CCN4: variants seen among roughly 807,000 people sequenced by gnomAD.
The protein encoded by CCN4 is cellular communication network factor 4.
CCN4 carries 30 observed loss-of-function variants against 36.7 expected under a neutral mutation model. The observed-to-expected ratio is 0.82, with a 90% CI of 0.61 to 1.11. The LOEUF is 1.11. Among genes scored for constraint, CCN4 ranks in the 50% least tolerant of loss-of-function variants. The pLI is 0.00. For synonymous variants in CCN4, 191 were observed against 195.4 expected (o/e 0.98, Z 0.19); for missense variants, 505 against 504.9 (o/e 1.00, Z 0.00).
intron 3 of CCN4, among the ~76,000 whole-genome samples, chr8:133,224,076 A>G (rs759304976): frequency 9.2e-5 from 14 of 152,058 alleles, no homozygotes; most frequent in Non-Finnish European, 1.3e-4. Context: ...CTTTTCTATC[A>G]TGGCACTAGA....
intron 1 of CCN4, among the ~76,000 whole-genome samples, chr8:133,212,384 G>C (rs1209546928): frequency 6.6e-6 from 1 of 152,008 alleles, no homozygotes; most frequent in Non-Finnish European, 1.5e-5. Flanking sequence ...TTAAGTAGGA[G>C]TCCTCTGACT....
intron 1 of CCN4, among the ~76,000 whole-genome samples, chr8:133,212,007 C>CT (rs1351376291): frequency 2.6e-5 from 4 of 152,194 alleles, no homozygotes; most frequent in Admixed American, 2.6e-4. Flanking sequence ...CTCCTCAGGC[C>CT]TGGGCAGCTC....
At chr8:133,194,259 G>C (rs1853223412) in intron 1 of CCN4, among the ~76,000 whole-genome samples, 1 of 149,550 alleles carries the variant, frequency 6.7e-6, no homozygotes, top group Non-Finnish European at 1.5e-5. Flanking sequence ...GGGTGTGTGG[G>C]GGTATGCGTA....
chr8:133,210,421 G>GTGT (rs1554742186), intron 1 of CCN4, among the ~76,000 whole-genome samples: 3,705 of 138,082 alleles, frequency 0.027, 53 homozygotes, highest in Middle Eastern at 0.061. Flanking sequence ...GTGTGTGTGT[G>GTGT]TTTACTGATT....
chr8:133,217,931 CT>C (rs1854380486), intron 2 of CCN4, among the ~76,000 whole-genome samples: 1 of 150,598 alleles, frequency 6.6e-6, no homozygotes, highest in African/African-American at 2.5e-5. Flanking sequence ...AGCCCACTCC[CT>C]TCTCCACACA....
rs1854921703 is a variant in CCN4 at position 133,230,599 on chromosome 8, G to C, written c.*2889G>C. ...CAAGGGGCTTCAAACAGACCAAATA[G>C]ATCATCACCTCTGTGGTCCCTTGTT... On this transcript the variant is annotated 3_prime_UTR_variant, in exon 5 of 5. Transcript: ENST00000250160. 6.6e-6 allele frequency: 1 copy of C among 152,204 alleles called. No individual in the cohort carries two copies. The highest frequency in any genetic ancestry group is 1.5e-5 in the Non-Finnish European group (1 of 68,026). 9.4% of individuals were successfully genotyped at this position (152,204 alleles called of 1,614,324 possible).
chr8:133,223,727 C>T (rs1049995777), intron 3 of CCN4, among the ~76,000 whole-genome samples: 2 of 151,950 alleles, frequency 1.3e-5, no homozygotes, highest in East Asian at 3.9e-4. Flanking sequence ...CCATCCCTTC[C>T]CTGTCTGCCT....
intron 1 of CCN4, among the ~76,000 whole-genome samples, chr8:133,191,943 G>T (rs542487105): frequency 4.6e-5 from 7 of 152,130 alleles, no homozygotes; most frequent in Admixed American, 2.0e-4. Flanking sequence ...AGGGACAAAG[G>T]TCTGCACCTC....
intron 1 of CCN4, among the ~76,000 whole-genome samples, chr8:133,194,528 GT>G (rs1853264023): frequency 1.2e-5 from 1 of 82,164 alleles, no homozygotes; most frequent in Non-Finnish European, 2.3e-5. Flanking sequence ...GTGTGTGGGG[GT>G]GTGTGTGGTG....
chr8:133,218,853 C>G (rs1441711640), intron 2 of CCN4, among the ~76,000 whole-genome samples: 1 of 152,194 alleles, frequency 6.6e-6, no homozygotes, highest in Non-Finnish European at 1.5e-5. Flanking sequence ...CCAGCCATCT[C>G]ACGCATAATG....
intron 1 of CCN4, among the ~76,000 whole-genome samples, chr8:133,200,315 C>T (rs1192323811): frequency 6.6e-6 from 1 of 152,244 alleles, no homozygotes; most frequent in Non-Finnish European, 1.5e-5. Context: ...CCCAGGGCCT[C>T]TCCCCTCCAG....
chr8:133,208,052 A>G (rs1853848858), intron 1 of CCN4, among the ~76,000 whole-genome samples: 3 of 151,378 alleles, frequency 2.0e-5, no homozygotes, highest in Admixed American at 2.0e-4. Context: ...GAAAAACATT[A>G]ACTGAAACAG....
intron 3 of CCN4, 75 bp from the exon 4 acceptor site, chr8:133,225,315 C>G: frequency 6.8e-7 from 1 of 1,464,282 alleles, no homozygotes; most frequent in South Asian, 1.4e-5. Flanking sequence ...GACCGCAGAC[C>G]TTAGTGTGGT....
At chr8:133,213,929 CTATAT>C (rs1854174959) in intron 2 of CCN4, among the ~76,000 whole-genome samples, 1 of 114,266 alleles carries the variant, frequency 8.8e-6, no homozygotes, top group Non-Finnish European at 1.7e-5. Context: ...GTTATATATA[CTATAT>C]ATACACTATA....
intron 1 of CCN4, among the ~76,000 whole-genome samples, chr8:133,209,718 C>T (rs1339014401): frequency 6.6e-6 from 1 of 152,230 alleles, no homozygotes; most frequent in Admixed American, 6.5e-5. Context: ...GTCCAGATCC[C>T]CAACTCTGTT....
chr8:133,204,003 T>C (rs1853677954), intron 1 of CCN4, among the ~76,000 whole-genome samples: 2 of 152,346 alleles, frequency 1.3e-5, no homozygotes, highest in South Asian at 4.1e-4. Context: ...CAAAAATACA[T>C]GTGAAACATT....
chr8:133,191,071 G>A lies in CCN4; in HGVS notation c.-74G>A, dbSNP rs1853086717. 1.3e-6 allele frequency: 2 copies of A among 1,546,746 alleles called. No homozygotes were observed. The highest frequency in any genetic ancestry group is 2.7e-5 in the African/African-American group (2 of 73,698). The stretch of plus-strand genomic sequence containing the variant: ...GTGCTCCTGATGGGCCGGCCAGTCT[G>A]GGCCCAGCTCCCCCGAGAGGTGGTC... On this transcript the variant is annotated 5_prime_UTR_variant, in exon 1 of 5. The change creates a premature stop within an existing upstream ORF in the 5' untranslated region. Transcript: ENST00000250160.
intron 2 of CCN4, among the ~76,000 whole-genome samples, chr8:133,214,110 T>TAGTAGTTATATATAACTACTATATAAC (rs1314950736): frequency 6.9e-4 from 95 of 137,852 alleles, no homozygotes; most frequent in East Asian, 2.4e-3. Context: ...ATAGTATATA[T>TAGTAGTTATATATAACTACTATATAAC]AGTAGTTATA....
In CCN4 at chr8:133,210,386, GGTGTGT is replaced by G. The variant is rs71299053; in HGVS notation, c.70-2447_70-2442del. On this transcript the variant is annotated intron_variant, in intron 1 of 4. Transcript: ENST00000250160. ...GTCTCTCCCCAAAGTCAAAAAGAGG[GGTGTGT>G]GTGTGTGTGTGTGTGTGTGTGTGTG... Among the ~76,000 whole-genome samples, 521 of 145,666 alleles carry G rather than the reference GGTGTGT, an allele frequency of 3.6e-3. 2 individuals are homozygous for G. Among genetic ancestry groups the G allele is most frequent in the African/African-American group, 0.012 (474 of 39,108 alleles).
Sources: gnomAD v4.1 joint callset for allele counts (sites outside exome capture counted in the v4.1 genomes callset) on GRCh38, gnomAD v4.1.1 for gene constraint, MANE v1.5 for transcripts, NCBI Gene and HGNC (gene_info 2026-07-23, HGNC 2026-07-21) for gene names.